Variants in NCOA1 observed in about 807,000 individuals in gnomAD.
NCOA1 encodes the protein Hin-2 protein.
In NCOA1, 35 loss-of-function variants were observed where a neutral mutation model predicts 150.9. The ratio of observed to expected loss-of-function variants is 0.23; its 90% CI spans 0.18 to 0.31. The LOEUF is 0.31. NCOA1 is among the 10% of genes least tolerant of loss of function. NCOA1 has a pLI of 1.00. For synonymous variants in NCOA1, 590 were observed against 630.0 expected, an observed-to-expected ratio of 0.94 and a Z score of 0.95; for missense variants, 1,491 against 1,749.3, an observed-to-expected ratio of 0.85 and a Z score of 2.63.
chr2:24,714,305 A>C (rs1380877466), intron 14 of NCOA1, among the ~76,000 whole-genome samples: 2 of 152,234 alleles, frequency 1.3e-5, no homozygotes, highest in African/African-American at 4.8e-5. Context: ...CATAATTTCC[A>C]ACATATAATA....
chr2:24,579,019 C>T (rs1667098519), intron 2 of NCOA1, among the ~76,000 whole-genome samples: 2 of 151,908 alleles, frequency 1.3e-5, no homozygotes, highest in South Asian at 2.1e-4. Context: ...AAAAGCTTGG[C>T]ATGTGGTGGG....
At chr2:24,669,402 C>T (rs1228145965) in intron 6 of NCOA1, among the ~76,000 whole-genome samples, 2 of 152,122 alleles carry the variant, frequency 1.3e-5, no homozygotes, top group East Asian at 1.9e-4. Context: ...TGCTTCTTTT[C>T]CATTACAGAT....
chr2:24,532,916 G>A (rs1230283464), intron 1 of NCOA1, among the ~76,000 whole-genome samples: 1 of 152,204 alleles, frequency 6.6e-6, no homozygotes, highest in Admixed American at 6.5e-5. Flanking sequence ...TTTGGCTTAG[G>A]ATTGTCTTGG....
intron 1 of NCOA1, among the ~76,000 whole-genome samples, chr2:24,521,960 C>T (rs1442560137): frequency 6.6e-6 from 1 of 152,052 alleles, no homozygotes; most frequent in Non-Finnish European, 1.5e-5. Flanking sequence ...TATCCTCATC[C>T]CCTTCACTCC....
chr2:24,557,523 C>A (rs1666120506), intron 1 of NCOA1, among the ~76,000 whole-genome samples: 1 of 151,326 alleles, frequency 6.6e-6, no homozygotes, highest in East Asian at 1.9e-4. Context: ...CCTCTTCTTC[C>A]TCTTCTTCTT....
chr2:24,656,108 A>G (rs1670937018), intron 4 of NCOA1, among the ~76,000 whole-genome samples: 1 of 149,180 alleles, frequency 6.7e-6, no homozygotes, highest in African/African-American at 2.5e-5. Context: ...AAAAAAAAAA[A>G]GGAAGAAGTA....
At chr2:24,761,313 A>C (rs1664784467) in intron 21 of NCOA1, among the ~76,000 whole-genome samples, 1 of 151,954 alleles carries the variant, frequency 6.6e-6, no homozygotes, top group South Asian at 2.1e-4. Flanking sequence ...AGGTTCAGTT[A>C]TTTTTTTCTT....
chr2:24,664,374 A>G (rs1671317659), intron 5 of NCOA1, among the ~76,000 whole-genome samples: 1 of 152,120 alleles, frequency 6.6e-6, no homozygotes, highest in Admixed American at 6.5e-5. Flanking sequence ...AACTTACTAT[A>G]TTGTTTTGTG....
chr2:24,545,496 A>G (rs1665570768), intron 1 of NCOA1, among the ~76,000 whole-genome samples: 1 of 152,194 alleles, frequency 6.6e-6, no homozygotes, highest in South Asian at 2.1e-4. Context: ...ACAGAATTCC[A>G]AATAATTTGT....
intron 9 of NCOA1, among the ~76,000 whole-genome samples, chr2:24,692,376 T>C (rs1208731608): frequency 1.3e-5 from 2 of 152,208 alleles, no homozygotes; most frequent in Non-Finnish European, 2.9e-5. Flanking sequence ...TCTTACTTGA[T>C]TAAAGTTCAT....
chr2:24,717,157 A>T (rs890423712), intron 14 of NCOA1, among the ~76,000 whole-genome samples: 1 of 152,242 alleles, frequency 6.6e-6, no homozygotes, highest in African/African-American at 2.4e-5. Flanking sequence ...GCTGGTGAGA[A>T]TACAAAATGG....
chr2:24,749,990 C>T (rs868359485), intron 19 of NCOA1, among the ~76,000 whole-genome samples: 2 of 151,342 alleles, frequency 1.3e-5, no homozygotes, highest in Non-Finnish European at 2.9e-5. Flanking sequence ...TAAATAAAAC[C>T]CAAGTCAAAC....
At chr2:24,671,978 A>G (rs1472848991) in intron 6 of NCOA1, among the ~76,000 whole-genome samples, 1 of 152,192 alleles carries the variant, frequency 6.6e-6, no homozygotes, top group Non-Finnish European at 1.5e-5. Context: ...AAAAATCTAT[A>G]TGTATTCAGC....
chr2:24,500,495 T>G (rs1044435695), intron 1 of NCOA1, among the ~76,000 whole-genome samples: 1 of 152,176 alleles, frequency 6.6e-6, no homozygotes, highest in Non-Finnish European at 1.5e-5. Context: ...TCTGTTGTGG[T>G]GGTTTGTAGT....
chr2:24,531,660 A>G lies in NCOA1; in HGVS notation c.-395-32635A>G, dbSNP rs954549298. Among the ~76,000 whole-genome samples, 15 of 152,174 alleles carry G rather than the reference A, an allele frequency of 9.9e-5. No individual in the cohort carries two copies. The East Asian group carries it at 2.1e-3, about 22-fold the overall frequency. The stretch of plus-strand genomic sequence containing the variant: ...TGTGATGTGTCCTGCCCTGTGTCCA[A>G]GTGTTCTCATTGTTCAGTTCCCACC... On this transcript the variant is annotated intron_variant, in intron 1 of 22. Transcript: ENST00000348332.
intron 3 of NCOA1, among the ~76,000 whole-genome samples, chr2:24,627,244 C>A (rs1255350354): frequency 6.7e-6 from 1 of 150,358 alleles, no homozygotes; most frequent in Non-Finnish European, 1.5e-5. Context: ...TATAAATTAG[C>A]ACACTTTGTT....
chr2:24,669,231 A>G (rs1162277045), intron 6 of NCOA1, among the ~76,000 whole-genome samples: 1 of 152,170 alleles, frequency 6.6e-6, no homozygotes, highest in East Asian at 1.9e-4. Context: ...CCAAAATACA[A>G]TGGTTTTAAA....
At chr2:24,689,161 C>T (rs533746752) in intron 8 of NCOA1, among the ~76,000 whole-genome samples, 2 of 152,194 alleles carry the variant, frequency 1.3e-5, no homozygotes, top group South Asian at 4.1e-4. Context: ...CATGATGCCC[C>T]CAGCTTTGTT....
chr2:24,494,424 T>C (rs1187073307), intron 1 of NCOA1, among the ~76,000 whole-genome samples: 2 of 152,190 alleles, frequency 1.3e-5, no homozygotes, highest in East Asian at 1.9e-4. Flanking sequence ...GCATATCTTA[T>C]GGAGTTGGCT....
Sources: allele counts gnomAD v4.1 joint callset (sites outside exome capture counted in the v4.1 genomes callset), GRCh38; gene constraint gnomAD v4.1.1; transcripts MANE v1.5; gene names NCBI Gene and HGNC (gene_info 2026-07-23, HGNC 2026-07-21).